CDK5RAP2: variants seen among roughly 807,000 people sequenced by gnomAD.
CDK5RAP2 encodes the protein CDK5 regulatory subunit-associated protein 2.
In CDK5RAP2, 147 loss-of-function variants were observed where a neutral mutation model predicts 232.9. The ratio of observed to expected loss-of-function variants is 0.63; its 90% CI spans 0.55 to 0.72. CDK5RAP2 has a LOEUF of 0.72. Ranked by LOEUF, CDK5RAP2 falls within the 30% of genes least tolerant of loss-of-function variation. The pLI, the probability that CDK5RAP2 is intolerant of heterozygous loss-of-function variation, is 0.00. For synonymous variants in CDK5RAP2, 833 were observed against 833.7 expected, an observed-to-expected ratio of 1.00 and a Z score of 0.01; for missense variants, 2,195 against 2,231.5, an observed-to-expected ratio of 0.98 and a Z score of 0.33.
chr9:120,567,143 T>C (rs1047765074), intron 3 of CDK5RAP2, among the ~76,000 whole-genome samples: 1 of 152,236 alleles, frequency 6.6e-6, no homozygotes, highest in African/African-American at 2.4e-5. Flanking sequence ...ATTTTAATTA[T>C]ACACGATGTA....
intron 5 of CDK5RAP2, among the ~76,000 whole-genome samples, chr9:120,540,637 G>A (rs542321450): frequency 7.5e-4 from 115 of 152,372 alleles, no homozygotes; most frequent in African/African-American, 2.7e-3. Context: ...AAGCTGGACA[G>A]ATCTGCTTCT....
intron 10 of CDK5RAP2, 132 bp from the exon 11 acceptor site, chr9:120,525,210 G>A: frequency 1.3e-6 from 1 of 745,502 alleles, no homozygotes; most frequent in Non-Finnish European, 2.3e-6. Context: ...ATTCGAGTGG[G>A]ATTTCCAGTT....
intron 12 of CDK5RAP2, among the ~76,000 whole-genome samples, chr9:120,505,608 A>C (rs927793803): frequency 3.3e-5 from 5 of 152,252 alleles, no homozygotes; most frequent in Non-Finnish European, 7.3e-5. Flanking sequence ...CCAGTTAGCC[A>C]AACTGTGAAT....
intron 19 of CDK5RAP2, among the ~76,000 whole-genome samples, chr9:120,459,382 C>T (rs1370058411): frequency 1.3e-5 from 2 of 152,182 alleles, no homozygotes; most frequent in East Asian, 3.8e-4. Context: ...AATAACTCCT[C>T]TTGACTTCAT....
At chr9:120,426,463 A>G (rs1236647270) in intron 25 of CDK5RAP2, among the ~76,000 whole-genome samples, 1 of 152,196 alleles carries the variant, frequency 6.6e-6, no homozygotes, top group Non-Finnish European at 1.5e-5. Flanking sequence ...CATTTTTCTG[A>G]TTGGCACTTG....
In CDK5RAP2 at chr9:120,571,993, A is replaced by G. The variant is rs760045017; in HGVS notation, c.108T>C (p.Asn36=). Residue 36 remains asparagine (N), a synonymous_variant, in exon 2 of 38, where the codon AAT becomes AAC. Transcript: ENST00000349780. The part of the protein sequence containing the change: ...VPDDLDGINP[N]AGLGNGLLPN... ...ACTTACGACCATTTCCCAACCCAGCATTGGGGTTGATGCCATCCAGGTCAT... is the reference window on the plus strand; with the variant it reads ...ACTTACGACCATTTCCCAACCCAGCGTTGGGGTTGATGCCATCCAGGTCAT... 10 of 1,613,608 alleles carry G rather than the reference A, an allele frequency of 6.2e-6. No individual in the cohort carries two copies. The highest frequency in any genetic ancestry group is 2.7e-5 in the African/African-American group (2 of 74,910).
rs746798232 is a variant in CDK5RAP2, at chr9:120,448,490, G to C, written c.2794-364C>G. On this transcript the variant is annotated intron_variant, in intron 21 of 37. Coordinates refer to ENST00000349780, the MANE Select transcript of CDK5RAP2 (RefSeq NM_018249.6). ...AACATTCCTCAGTCTAATCTGGTCTGGCCTATCAACCCCTGCTAGTCCCCC... is the reference window on the plus strand; with the variant it reads ...AACATTCCTCAGTCTAATCTGGTCTCGCCTATCAACCCCTGCTAGTCCCCC... Among the ~76,000 whole-genome samples, 48 of 152,056 alleles carry C rather than the reference G, an allele frequency of 3.2e-4. 1 individual carries two copies. The highest frequency in any genetic ancestry group is 2.6e-4 in the Non-Finnish European group (18 of 68,010).
At chr9:120,424,195 T>G (rs1440957276) in intron 25 of CDK5RAP2, among the ~76,000 whole-genome samples, 1 of 152,212 alleles carries the variant, frequency 6.6e-6, no homozygotes, top group Admixed American at 6.5e-5. Context: ...CTGATCACAC[T>G]CTCCCTTACT....
chr9:120,492,058 T>TA (rs1022778016), intron 12 of CDK5RAP2, among the ~76,000 whole-genome samples: 1 of 150,990 alleles, frequency 6.6e-6, no homozygotes, highest in Non-Finnish European at 1.5e-5. Context: ...TATAATAACA[T>TA]AAAAAAAGTT....
intron 5 of CDK5RAP2, among the ~76,000 whole-genome samples, chr9:120,545,330 T>G (rs2041797700): frequency 6.6e-6 from 1 of 152,194 alleles, no homozygotes. Context: ...ACTATATAAT[T>G]CCTTTTATAT....
intron 4 of CDK5RAP2, 94 bp downstream of exon 4, chr9:120,550,698 A>C (rs1227008592): frequency 9.8e-6 from 8 of 813,500 alleles, no homozygotes; most frequent in Non-Finnish European, 1.6e-5. Flanking sequence ...ATCTCTATTC[A>C]TACTAACTCT....
Position 120,460,598 on chromosome 9 carries a change from C to T in CDK5RAP2, c.2176G>A (p.Asp726Asn). 1 of 1,614,118 alleles carries T rather than the reference C, an allele frequency of 6.2e-7. No individual in the cohort carries two copies. The highest frequency in any genetic ancestry group is 1.1e-5 in the South Asian group (1 of 91,072). ...TCATTACTCTGCTGCAAATGCTGGTCACTCAGGAAATTAATCTCGTCATCC... is the reference window on the plus strand; with the variant it reads ...TCATTACTCTGCTGCAAATGCTGGTTACTCAGGAAATTAATCTCGTCATCC... ...GEDDEINFLS[D>N]QHLQQSNEIM... The change falls in exon 19 of 38, where the codon GAC becomes AAC. Residue 726 changes from aspartate (D) to asparagine (N), a missense_variant. Asp to Asn is a conservative substitution (Grantham distance 23). Coordinates refer to ENST00000349780, the MANE Select transcript of CDK5RAP2 (RefSeq NM_018249.6).
chr9:120,395,102 T>C (rs1337472586), intron 35 of CDK5RAP2, among the ~76,000 whole-genome samples: 1 of 152,188 alleles, frequency 6.6e-6, no homozygotes, highest in Non-Finnish European at 1.5e-5. Context: ...TTAGCAACTA[T>C]TAAAAATGAC....
Position 120,439,917 on chromosome 9 carries a change from A to G in CDK5RAP2, c.3204T>C (p.Asn1068=), listed in dbSNP as rs745724263. Reference sequence around the variant, plus strand: ...AAGTTGGGCTCAGAACATCTTCAGGATTTTCTTTGCATGATGGCAAGCTGG... The same window carrying G: ...AAGTTGGGCTCAGAACATCTTCAGGGTTTTCTTTGCATGATGGCAAGCTGG... ...DLASLPSCKE[N]PEDVLSPTSV... Residue 1068 remains asparagine (N), a synonymous_variant, in exon 24 of 38, where the codon AAT becomes AAC. Coordinates refer to ENST00000349780, the MANE Select transcript of CDK5RAP2 (RefSeq NM_018249.6). The G allele has an allele frequency of 1.9e-6, 3 of 1,614,156 alleles. No homozygotes were observed. In the Admixed American group the frequency reaches 5.0e-5, roughly 27 times the overall value.
intron 18 of CDK5RAP2, among the ~76,000 whole-genome samples, chr9:120,464,760 A>G (rs1376459675): frequency 6.6e-6 from 1 of 152,212 alleles, no homozygotes; most frequent in Non-Finnish European, 1.5e-5. Context: ...CGCCACTAGC[A>G]TACCAAAAAA....
intron 1 of CDK5RAP2, among the ~76,000 whole-genome samples, chr9:120,575,945 A>T (rs184991351): frequency 6.6e-6 from 1 of 152,202 alleles, no homozygotes; most frequent in East Asian, 1.9e-4. Flanking sequence ...ACTCCTACAA[A>T]GCTTTCTACA....
chr9:120,564,314 C>A (rs151006107), intron 3 of CDK5RAP2, among the ~76,000 whole-genome samples: 85 of 152,002 alleles, frequency 5.6e-4, no homozygotes, highest in African/African-American at 1.8e-3. Context: ...TAAAGTGAAA[C>A]CCCACCTGTA....
chr9:120,451,288 A>T (rs1017493396), intron 21 of CDK5RAP2, among the ~76,000 whole-genome samples: 1 of 152,210 alleles, frequency 6.6e-6, no homozygotes, highest in African/African-American at 2.4e-5. Flanking sequence ...ACACAGTCTG[A>T]GCTCCTACCA....
chr9:120,517,876 AGAGT>A (rs2040409438), intron 12 of CDK5RAP2: 1 of 377,988 alleles, frequency 2.6e-6, no homozygotes, highest in African/African-American at 2.1e-5. Flanking sequence ...CCCAGGAAAC[AGAGT>A]GAGACCCTGT....
Sources: allele counts gnomAD v4.1 joint callset (sites outside exome capture counted in the v4.1 genomes callset), GRCh38; gene constraint gnomAD v4.1.1; transcripts MANE v1.5; gene names NCBI Gene and HGNC (gene_info 2026-07-23, HGNC 2026-07-21).